RYK: variants seen among roughly 807,000 people sequenced by gnomAD.
RYK encodes inactive tyrosine-protein kinase RYK.
In RYK, 21 loss-of-function variants were observed where a neutral mutation model predicts 70.2. That is an observed-to-expected ratio of 0.30 (90% confidence interval 0.21 to 0.43). The LOEUF (loss-of-function observed/expected upper bound fraction) is 0.43. Among genes scored for constraint, RYK ranks in the 20% least tolerant of loss-of-function variants. RYK has a pLI of 1.00. For synonymous variants in RYK, 267 were observed against 278.0 expected, an observed-to-expected ratio of 0.96 and a Z score of 0.39; for missense variants, 604 against 753.3, an observed-to-expected ratio of 0.80 and a Z score of 2.32.
chr3:134,210,388 G>A (rs1489672424), intron 3 of RYK, among the ~76,000 whole-genome samples: 2 of 150,414 alleles, frequency 1.3e-5, no homozygotes, highest in Non-Finnish European at 2.9e-5. Context: ...ACAGACTTCA[G>A]TGCATATAAT....
chr3:134,201,386 G>A (rs1204691126), intron 6 of RYK, among the ~76,000 whole-genome samples: 1 of 152,198 alleles, frequency 6.6e-6, no homozygotes, highest in Non-Finnish European at 1.5e-5. Context: ...CTTCCCAGCT[G>A]CATGTTAAGA....
Position 134,188,158 on chromosome 3 carries a change from T to C in RYK, c.1102+679A>G, listed in dbSNP as rs1054734299. 1.8e-3 allele frequency among the ~76,000 whole-genome samples: 84 copies of C among 46,846 alleles called. 1 individual carries two copies. The highest frequency in any genetic ancestry group is 3.9e-3 in the African/African-American group (78 of 19,926). 30.7% of individuals were successfully genotyped at this position (46,846 alleles called of 152,430 possible). A position where few individuals can be genotyped will look rare whatever the true frequency, so the allele number is the denominator to read the frequency against. On this transcript the variant is annotated intron_variant, in intron 9 of 14. Coordinates refer to ENST00000623711, the MANE Select transcript of RYK (RefSeq NM_002958.4). ...TTAGAGGACAATCTAACAATATATA[T>C]ATATATATATTTTTTTTTTTTTTTG...
At chr3:134,204,682 C>T (rs909606565) in intron 5 of RYK, among the ~76,000 whole-genome samples, 1 of 150,960 alleles carries the variant, frequency 6.6e-6, no homozygotes, top group Non-Finnish European at 1.5e-5. Flanking sequence ...CATAAGCAGG[C>T]AGAGTGGAAG....
chr3:134,202,957 GTTCTT>G (rs1353540379), intron 5 of RYK, 83 bp from the exon 6 acceptor site: 10 of 1,124,322 alleles, frequency 8.9e-6, no homozygotes, highest in Admixed American at 7.3e-5. Context: ...TAAGTATTCT[GTTCTT>G]TTCATGTGCC....
chr3:134,198,609 T>G (rs2013889108), intron 6 of RYK, among the ~76,000 whole-genome samples: 1 of 152,122 alleles, frequency 6.6e-6, no homozygotes, highest in African/African-American at 2.4e-5. Context: ...TGGGCCAGAG[T>G]GAGCCCCAGT....
At chr3:134,188,539 C>A (rs1576511277) in intron 9 of RYK, among the ~76,000 whole-genome samples, 1 of 152,210 alleles carries the variant, frequency 6.6e-6, no homozygotes, top group Admixed American at 6.5e-5. Flanking sequence ...TATACCAACA[C>A]TAAACATAGT....
intron 6 of RYK, among the ~76,000 whole-genome samples, chr3:134,202,299 A>T (rs2014051758): frequency 6.6e-6 from 1 of 152,200 alleles, no homozygotes; most frequent in South Asian, 2.1e-4. Flanking sequence ...CCTTGACTCT[A>T]ATGTGTAACC....
intron 10 of RYK, chr3:134,178,319 C>A (rs2108153717): frequency 2.8e-6 from 1 of 354,946 alleles, no homozygotes; most frequent in African/African-American, 2.2e-5. Context: ...AAAGTTGCTT[C>A]CTGTGGGCTG....
chr3:134,188,834 T>C lies in RYK; in HGVS notation c.1102+3A>G. 6.6e-7 allele frequency: 1 copy of C among 1,524,180 alleles called. No individual in the cohort carries two copies. The highest frequency in any genetic ancestry group is 9.0e-7 in the Non-Finnish European group (1 of 1,107,514). The allele number at this position is 1,524,180 out of a possible 1,614,324, so 94.4% of individuals were successfully genotyped here. A position where few individuals can be genotyped will look rare whatever the true frequency, so the allele number is the denominator to read the frequency against. On this transcript the variant is annotated splice_donor_region_variant and intron_variant, in intron 9 of 14. Transcript: ENST00000623711. The stretch of plus-strand genomic sequence containing the variant: ...TGGAAATACTATGGAAAAAAGATCC[T>C]ACCTTTAACTGTTTTGACAAATGCT...
chr3:134,237,608 T>C (rs2015226905), intron 1 of RYK, among the ~76,000 whole-genome samples: 1 of 152,194 alleles, frequency 6.6e-6, no homozygotes. Context: ...TCACAGTTCT[T>C]ACTTCCCTTC....
chr3:134,171,736 AC>A (rs2012918102), intron 13 of RYK, among the ~76,000 whole-genome samples: 1 of 152,074 alleles, frequency 6.6e-6, no homozygotes, highest in African/African-American at 2.4e-5. Flanking sequence ...GTGTGGTGGC[AC>A]ACACTGGTAG....
At chr3:134,209,860 CA>C in intron 3 of RYK, 31 bp from the exon 4 acceptor site, 1 of 1,413,442 alleles carries the variant, frequency 7.1e-7, no homozygotes. Context: ...AAATATTTTA[CA>C]TTTTCTAAAA....
At chr3:134,200,713 A>G (rs577728124) in intron 6 of RYK, among the ~76,000 whole-genome samples, 46 of 152,354 alleles carry the variant, frequency 3.0e-4, no homozygotes, top group African/African-American at 1.1e-3. Flanking sequence ...AGACACACAT[A>G]GGCTATATAA....
intron 1 of RYK, among the ~76,000 whole-genome samples, chr3:134,230,039 C>A (rs2015015194): frequency 6.6e-6 from 1 of 152,140 alleles, no homozygotes; most frequent in East Asian, 1.9e-4. Flanking sequence ...GAGTAATTAT[C>A]CAAAAGAAAA....
chr3:134,168,556 G>T (rs1206323991), intron 13 of RYK, among the ~76,000 whole-genome samples: 2 of 147,188 alleles, frequency 1.4e-5, no homozygotes, highest in Admixed American at 6.9e-5. Flanking sequence ...ACACTCATAG[G>T]TGGGAATTGA....
chr3:134,164,741 C>A (rs114067290), intron 13 of RYK, among the ~76,000 whole-genome samples: 1 of 152,228 alleles, frequency 6.6e-6, no homozygotes, highest in African/African-American at 2.4e-5. Context: ...AACATGTTTT[C>A]ATTTATCTAA....
chr3:134,200,390 A>G (rs1038544847), intron 6 of RYK, among the ~76,000 whole-genome samples: 1 of 152,110 alleles, frequency 6.6e-6, no homozygotes, highest in African/African-American at 2.4e-5. Flanking sequence ...AGTCAGTGAG[A>G]CCATGAACCC....
chr3:134,221,285 A>C (rs1576528178), intron 2 of RYK, among the ~76,000 whole-genome samples: 1 of 135,876 alleles, frequency 7.4e-6, no homozygotes, highest in African/African-American at 2.8e-5. Flanking sequence ...GCTCACTGCA[A>C]CCTCCGCCTC....
At position 134,175,717 on chromosome 3, in the gene RYK, G is replaced by A. The variant is rs2013076407; in HGVS notation, c.1467C>T (p.Asp489=). The change falls in exon 13 of 15, where the codon GAC becomes GAT. Residue 489 remains aspartate, a synonymous_variant. Coordinates refer to ENST00000623711, the MANE Select transcript of RYK (RefSeq NM_002958.4). ...GACAGTGATAGTCCATGGGGAACAA[G>A]TCTCTGGAGAGGGCATTGTCTGTGA... ...VKITDNALSR[D]LFPMDYHCLG... is the part of the protein sequence containing the mutation. The A allele has an allele frequency of 1.2e-6, 2 of 1,613,738 alleles. No individual in the cohort carries two copies. Among genetic ancestry groups the A allele is most frequent in the Non-Finnish European group, 1.7e-6 (2 of 1,179,774 alleles).
Sources: allele counts gnomAD v4.1 joint callset (sites outside exome capture counted in the v4.1 genomes callset), GRCh38; gene constraint gnomAD v4.1.1; transcripts MANE v1.5; gene names NCBI Gene and HGNC (gene_info 2026-07-23, HGNC 2026-07-21).